The following PCDHGA11 variants were observed in gnomAD, a reference collection of about 807,000 sequenced individuals.
PCDHGA11 encodes protocadherin gamma subfamily A, 11, also known as protocadherin gamma-A11.
In PCDHGA11, 39 loss-of-function variants were observed where a neutral mutation model predicts 60.4. The observed-to-expected ratio is 0.65, with a 90% confidence interval of 0.50 to 0.84. The LOEUF (loss-of-function observed/expected upper bound fraction) is 0.84. Ranked by LOEUF, PCDHGA11 falls within the 40% of genes least tolerant of loss-of-function variation. The probability of loss-of-function intolerance (pLI) is 0.00; values close to 1 mark genes in which losing one functional copy is unlikely to be tolerated. For missense variants in PCDHGA11, 1,165 were observed against 1,197.7 expected (o/e 0.97, Z 0.40); for synonymous variants, 533 against 510.3 (o/e 1.04, Z -0.60).
intron 1 of PCDHGA11, among the ~76,000 whole-genome samples, chr5:141,482,988 G>A (rs982148755): frequency 2.6e-5 from 4 of 152,112 alleles, no homozygotes; most frequent in South Asian, 2.1e-4. Context: ...GAGAGGTCGA[G>A]GCAGGAGAAT....
At chr5:141,481,210 G>A (rs1351826116) in intron 1 of PCDHGA11, among the ~76,000 whole-genome samples, 2 of 152,128 alleles carry the variant, frequency 1.3e-5, no homozygotes, top group Admixed American at 1.3e-4. Context: ...TAAAAAACAT[G>A]GTAAGGTCTC....
chr5:141,434,906 C>A lies in PCDHGA11; in HGVS notation c.2433+11246C>A, dbSNP rs1044434492. ...AACAATCCAGTCCCCTTCCCTCATA[C>A]CTTATTTATGTACATATATTTTATA... On this transcript the variant is annotated intron_variant, in intron 1 of 3. Coordinates refer to ENST00000398587, the MANE Select transcript of PCDHGA11 (RefSeq NM_018914.3). Among the ~76,000 whole-genome samples the A allele has an allele frequency of 2.0e-5, 3 of 151,752 alleles. No individual in the cohort carries two copies. In the South Asian group the frequency reaches 6.2e-4, roughly 32 times the overall value.
Position 141,421,691 on chromosome 5 carries a change from T to A in PCDHGA11, c.464T>A (p.Leu155His), listed in dbSNP as rs1175919580. Reference protein sequence around the residue: ...EHAIPGARFALPNARDPDVGV... With the variant: ...EHAIPGARFAHPNARDPDVGV... ...GCAATTCCTGGGGCGCGATTTGCTC[T>A]TCCTAATGCTAGGGATCCAGATGTG... The change falls in exon 1 of 4, where the codon CTT (leucine) becomes CAT (histidine). Residue 155 changes from leucine to histidine, a missense_variant. Coordinates refer to ENST00000398587, the MANE Select transcript of PCDHGA11 (RefSeq NM_018914.3). 6.2e-7 allele frequency: 1 copy of A among 1,613,816 alleles called. No individual in the cohort carries two copies. The highest frequency in any genetic ancestry group is 1.3e-5 in the African/African-American group (1 of 74,938).
rs1441791773 is a variant in PCDHGA11, at chr5:141,486,038, G to A, written c.2434-8769G>A. The A allele has an allele frequency of 1.9e-6, 3 of 1,614,066 alleles. No individual in the cohort carries two copies. The highest frequency in any genetic ancestry group is 1.1e-5 in the South Asian group (1 of 91,088). On this transcript the variant is annotated intron_variant, in intron 1 of 3. Coordinates refer to ENST00000398587, the MANE Select transcript of PCDHGA11 (RefSeq NM_018914.3). The surrounding 1 kb of genome is among the most constrained non-coding windows in gnomAD (Gnocchi z 5.0). ...TTTCAGTGGTCATACCCCTGATCGT[G>A]TAAGAAACCTCTTTAGCCTGCACCC...
In PCDHGA11 at chr5:141,512,022, C is replaced by T. The variant is rs2154594692; in HGVS notation, c.*849C>T. The T allele has an allele frequency of 6.5e-6, 1 of 152,990 alleles. No individual in the cohort carries two copies. The highest frequency in any genetic ancestry group is 1.9e-4 in the East Asian group (1 of 5,186). The allele number at this position is 152,990 out of a possible 1,614,324, so 9.5% of individuals were successfully genotyped here. A position where few individuals can be genotyped will look rare whatever the true frequency, so the allele number is the denominator to read the frequency against. The stretch of plus-strand genomic sequence containing the variant: ...AGCTTGACACATCAAGTTATCAAGG[C>T]CTTGGAGGAGGCTCTGTATGTCCTC... On this transcript the variant is annotated 3_prime_UTR_variant, in exon 4 of 4. Transcript: ENST00000398587.
chr5:141,509,819 C>T (rs1008625658), intron 3 of PCDHGA11, among the ~76,000 whole-genome samples: 3 of 152,154 alleles, frequency 2.0e-5, no homozygotes, highest in African/African-American at 7.2e-5. Context: ...AGCTCTTCTC[C>T]ATCTTCTCTC....
chr5:141,458,933 A>G (rs920768063), intron 1 of PCDHGA11, among the ~76,000 whole-genome samples: 3 of 151,912 alleles, frequency 2.0e-5, no homozygotes, highest in Admixed American at 6.6e-5. Flanking sequence ...GGGTCTCACT[A>G]TGTTGCTTAG....
rs573785314 is a variant in PCDHGA11 at position 141,435,382 on chromosome 5, C to T, written c.2433+11722C>T. 2.0e-5 allele frequency among the ~76,000 whole-genome samples: 3 copies of T among 152,034 alleles called. No homozygotes were observed. In the East Asian group the frequency reaches 5.8e-4, roughly 29 times the overall value. ...TTTATCACTTAAATATACAATATAC[C>T]GTATTGCCATGACGAAAAATGGTAA... On this transcript the variant is annotated intron_variant, in intron 1 of 3. Transcript: ENST00000398587.
At chr5:141,424,698 T>G (rs1214214315) in intron 1 of PCDHGA11, 1 of 152,228 alleles carries the variant, frequency 6.6e-6, no homozygotes, top group Non-Finnish European at 1.5e-5. Context: ...GCTATTTTTT[T>G]GTTCATTTTC....
Position 141,494,830 on chromosome 5 carries a change from G to C in PCDHGA11, c.2457G>C (p.Trp819Cys), listed in dbSNP as rs2099757104. Residue 819 changes from tryptophan (W) to cysteine (C), a missense_variant, in exon 2 of 4, where the codon TGG (tryptophan) becomes TGC (cysteine). Coordinates refer to ENST00000398587, the MANE Select transcript of PCDHGA11 (RefSeq NM_018914.3). ...AGCAAGCCCCGCCCAACACGGACTG[G>C]CGTTTCTCTCAGGCCCAGAGACCCG... The part of the protein sequence containing the change: ...SNQQAPPNTD[W>C]RFSQAQRPGT... 6.2e-7 allele frequency: 1 copy of C among 1,614,098 alleles called. No homozygotes were observed. The highest frequency in any genetic ancestry group is 2.2e-5 in the East Asian group (1 of 44,862).
At chr5:141,466,549 T>C (rs778708029) in intron 1 of PCDHGA11, among the ~76,000 whole-genome samples, 2 of 152,244 alleles carry the variant, frequency 1.3e-5, no homozygotes, top group African/African-American at 2.4e-5. Flanking sequence ...GGTCTTTTGC[T>C]GTGGGCTTCA....
chr5:141,421,611 T>C lies in PCDHGA11; in HGVS notation c.384T>C (p.Asn128=), dbSNP rs747573417. 6.8e-6 allele frequency: 11 copies of C among 1,613,694 alleles called. No homozygotes were observed. The African/African-American group carries it at 1.3e-4, about 20-fold the overall frequency. Residue 128 remains asparagine (N), a synonymous_variant, in exon 1 of 4, where the codon AAT becomes AAC. Transcript: ENST00000398587. ...TGGAGGTGGAAATAATAGATATTAA[T>C]GATAACGCCCCCAGCTTCCAGGAGG... ...YGVEVEIIDI[N]DNAPSFQEDE... is the part of the protein sequence containing the mutation.
rs1216840918 is a variant in PCDHGA11, at chr5:141,476,285, G to C, written c.2434-18522G>C. The C allele has an allele frequency of 1.2e-6, 2 of 1,614,036 alleles. No individual in the cohort carries two copies. The highest frequency in any genetic ancestry group is 1.7e-6 in the Non-Finnish European group (2 of 1,180,032). ...CAACGTGGTCGCGAACCTTGGTTTG[G>C]ATCTCGGTAGCCTCTCAGCCCGCAG... On this transcript the variant is annotated intron_variant, in intron 1 of 3. Coordinates refer to ENST00000398587, the MANE Select transcript of PCDHGA11 (RefSeq NM_018914.3). This position sits in a 1 kb window ranked among gnomAD's most constrained non-coding sequence, Gnocchi z 7.6.
chr5:141,454,693 A>G (rs951819293), intron 1 of PCDHGA11, among the ~76,000 whole-genome samples: 1 of 151,738 alleles, frequency 6.6e-6, no homozygotes, highest in Non-Finnish European at 1.5e-5. Context: ...GGCATGAGCC[A>G]CCATGCTCCA....
chr5:141,500,309 C>T (rs777434466), intron 2 of PCDHGA11, among the ~76,000 whole-genome samples: 2 of 151,602 alleles, frequency 1.3e-5, no homozygotes, highest in Non-Finnish European at 2.9e-5. Flanking sequence ...CCCAGGTTCA[C>T]GCCATGCTCC....
intron 1 of PCDHGA11, among the ~76,000 whole-genome samples, chr5:141,482,127 T>C (rs2099553382): frequency 6.6e-6 from 1 of 151,774 alleles, no homozygotes; most frequent in African/African-American, 2.4e-5. Flanking sequence ...GGGAGAATCA[T>C]ATGGCTGGCA....
Position 141,431,151 on chromosome 5 carries a change from C to A in PCDHGA11, c.2433+7491C>A, listed in dbSNP as rs764416448. On this transcript the variant is annotated intron_variant, in intron 1 of 3. Transcript: ENST00000398587. This position sits in a 1 kb window ranked among gnomAD's most constrained non-coding sequence, Gnocchi z 4.8. Reference sequence around the variant, plus strand: ...GTAAGGGACATTAACGACAATGCGCCTTACTTTCGTGAAAGTGAATTAGAA... The same window carrying A: ...GTAAGGGACATTAACGACAATGCGCATTACTTTCGTGAAAGTGAATTAGAA... 7.4e-6 allele frequency: 12 copies of A among 1,614,126 alleles called. No individual in the cohort carries two copies. Among genetic ancestry groups the A allele is most frequent in the Middle Eastern group, 1.6e-4 (1 of 6,084 alleles).
chr5:141,477,221 A>G lies in PCDHGA11; in HGVS notation c.2434-17586A>G, dbSNP rs771608717. 1 of 1,614,178 alleles carries G rather than the reference A, an allele frequency of 6.2e-7. No homozygotes were observed. The highest frequency in any genetic ancestry group is 8.5e-7 in the Non-Finnish European group (1 of 1,180,044). ...AGTACCCGAGGATGCCCCTCTGGGG[A>G]CTGTCATCGCTTTGCTCAGTGTGAC... On this transcript the variant is annotated intron_variant, in intron 1 of 3. Coordinates refer to ENST00000398587, the MANE Select transcript of PCDHGA11 (RefSeq NM_018914.3). This position sits in a 1 kb window ranked among gnomAD's most constrained non-coding sequence, Gnocchi z 4.9.
chr5:141,478,652 G>A (rs188883724), intron 1 of PCDHGA11: 2 of 1,551,970 alleles, frequency 1.3e-6, no homozygotes, highest in East Asian at 2.4e-5. Flanking sequence ...TGTTTTCCTG[G>A]TGATGCATTC....
Sources: allele counts gnomAD v4.1 joint callset (sites outside exome capture counted in the v4.1 genomes callset), GRCh38; gene constraint gnomAD v4.1.1; non-coding constraint Gnocchi (gnomAD v3.1); transcripts MANE v1.5; gene names NCBI Gene and HGNC (gene_info 2026-07-23, HGNC 2026-07-21).